Variants in PIP5K1B observed in about 807,000 individuals in gnomAD.
The protein encoded by PIP5K1B is phosphatidylinositol-4-phosphate 5-kinase type 1 beta.
Under a neutral mutation model 67.0 loss-of-function variants are expected in PIP5K1B, and 42 were observed. That is an observed-to-expected ratio of 0.63 (90% CI 0.49 to 0.81). The LOEUF is 0.81. PIP5K1B is among the 30% of genes least tolerant of loss of function. The probability of loss-of-function intolerance (pLI) is 0.00; values close to 1 mark genes in which losing one functional copy is unlikely to be tolerated. For missense variants in PIP5K1B, 459 were observed against 646.3 expected (o/e 0.71, Z 3.14); for synonymous variants, 214 against 231.4 (o/e 0.92, Z 0.68).
chr9:68,819,086 C>T (rs1435795972), intron 3 of PIP5K1B, among the ~76,000 whole-genome samples: 1 of 152,130 alleles, frequency 6.6e-6, no homozygotes, highest in Non-Finnish European at 1.5e-5. Context: ...ATTCAGTGTT[C>T]ATTTTTAGTA....
chr9:68,998,928 A>T lies in PIP5K1B; in HGVS notation c.1620+7671A>T, dbSNP rs140890251. The stretch of plus-strand genomic sequence containing the variant: ...CTGCTTCTGCCTCTGCTGGTTTCCA[A>T]GGCCTGCTATCACAAATGACCACAG... On this transcript the variant is annotated intron_variant, in intron 15 of 15. Transcript: ENST00000265382. Among the ~76,000 whole-genome samples, 136 of 152,308 alleles carry T rather than the reference A, an allele frequency of 8.9e-4. 2 individuals carry two copies. The East Asian group carries it at 0.023, about 25-fold the overall frequency.
At chr9:68,767,494 T>C (rs1336443476) in intron 2 of PIP5K1B, among the ~76,000 whole-genome samples, 4 of 150,150 alleles carry the variant, frequency 2.7e-5, no homozygotes, top group Non-Finnish European at 5.9e-5. Flanking sequence ...TTCGGGAGGC[T>C]GAGGCAGGGG....
chr9:68,882,923 A>T (rs184610889), intron 6 of PIP5K1B, among the ~76,000 whole-genome samples: 1 of 152,302 alleles, frequency 6.6e-6, no homozygotes, highest in East Asian at 1.9e-4. Context: ...CAGTAGGCTG[A>T]GAACCTCAGT....
At chr9:68,803,194 G>T (rs1014081977) in intron 2 of PIP5K1B, among the ~76,000 whole-genome samples, 4 of 152,148 alleles carry the variant, frequency 2.6e-5, no homozygotes, top group African/African-American at 9.7e-5. Flanking sequence ...TCTTTGAGCT[G>T]GATGGGATAC....
At chr9:68,787,797 T>G (rs970368678) in intron 2 of PIP5K1B, among the ~76,000 whole-genome samples, 3 of 152,076 alleles carry the variant, frequency 2.0e-5, no homozygotes, top group African/African-American at 7.2e-5. Flanking sequence ...CATGCCTGAC[T>G]AGTTTTTGTA....
chr9:68,967,000 T>C lies in PIP5K1B; in HGVS notation c.1503-24140T>C, dbSNP rs184417937. Among the ~76,000 whole-genome samples, 4 of 152,330 alleles carry C rather than the reference T, an allele frequency of 2.6e-5. No homozygotes were observed. The East Asian group carries it at 7.7e-4, about 29-fold the overall frequency. ...AACTATGATTGATTTATTATGCAGATCACATTTTCACCTGCCATAGAATCC... is the reference window on the plus strand; with the variant it reads ...AACTATGATTGATTTATTATGCAGACCACATTTTCACCTGCCATAGAATCC... On this transcript the variant is annotated intron_variant, in intron 14 of 15. Coordinates refer to ENST00000265382, the MANE Select transcript of PIP5K1B (RefSeq NM_003558.4).
chr9:68,822,492 C>A, intron 3 of PIP5K1B, 123 bp from the exon 4 acceptor site: 2 of 641,144 alleles, frequency 3.1e-6, no homozygotes, highest in Non-Finnish European at 5.4e-6. Context: ...TCCTTAGGAA[C>A]AACAGCAATA....
intron 14 of PIP5K1B, among the ~76,000 whole-genome samples, chr9:68,945,856 A>G (rs922453023): frequency 1.3e-5 from 2 of 152,242 alleles, no homozygotes; most frequent in Admixed American, 1.3e-4. Flanking sequence ...AAATTTGGTG[A>G]CATCCATACA....
At chr9:68,894,734 A>G in intron 8 of PIP5K1B, 96 bp downstream of exon 8, 1 of 1,172,538 alleles carries the variant, frequency 8.5e-7, no homozygotes, top group Non-Finnish European at 1.2e-6. Context: ...GGAATGTCCA[A>G]AGTGGCAGAC....
chr9:68,920,676 C>G (rs1174627689), intron 11 of PIP5K1B, among the ~76,000 whole-genome samples: 1 of 151,876 alleles, frequency 6.6e-6, no homozygotes, highest in Admixed American at 6.6e-5. Flanking sequence ...CCAAGAATGT[C>G]TTAATTGATG....
intron 8 of PIP5K1B, among the ~76,000 whole-genome samples, chr9:68,915,497 T>C (rs1826050792): frequency 1.3e-5 from 2 of 152,212 alleles, no homozygotes; most frequent in African/African-American, 4.8e-5. Flanking sequence ...CTTTCTCCCA[T>C]GGTCTGTGCT....
intron 2 of PIP5K1B, among the ~76,000 whole-genome samples, chr9:68,786,635 T>TC (rs1216726637): frequency 6.6e-6 from 1 of 152,106 alleles, no homozygotes; most frequent in Non-Finnish European, 1.5e-5. Flanking sequence ...GAAGTTTTTT[T>TC]TTTAGTAATA....
At chr9:68,890,337 A>C (rs564113921) in intron 7 of PIP5K1B, among the ~76,000 whole-genome samples, 1 of 152,214 alleles carries the variant, frequency 6.6e-6, no homozygotes, top group South Asian at 2.1e-4. Context: ...GCATTTTCAT[A>C]CCTCCAGTTT....
intron 2 of PIP5K1B, among the ~76,000 whole-genome samples, chr9:68,770,808 A>G (rs183848779): frequency 6.6e-6 from 1 of 152,288 alleles, no homozygotes; most frequent in East Asian, 1.9e-4. Context: ...TCTGGTGCCA[A>G]AAATGTTGGG....
chr9:68,869,851 A>C (rs1168915231), intron 5 of PIP5K1B, among the ~76,000 whole-genome samples: 1 of 152,158 alleles, frequency 6.6e-6, no homozygotes, highest in Non-Finnish European at 1.5e-5. Context: ...AAAAAGAAAA[A>C]GATTACCAAC....
chr9:68,780,013 G>A, intron 2 of PIP5K1B: 2 of 1,041,822 alleles, frequency 1.9e-6, no homozygotes, highest in African/African-American at 3.3e-5. Flanking sequence ...TACGGACATC[G>A]CGAGCGCCTG....
chr9:68,934,933 C>A lies in PIP5K1B; in HGVS notation c.1245C>A (p.Ala415=). ...SPSKKRCNSI[A]ALKATSQEIV... is the part of the protein sequence containing the mutation. The stretch of plus-strand genomic sequence containing the variant: ...CTAAGAAACGGTGCAATTCAATCGC[C>A]GCCCTAAAGGCCACTTCACAGGAGA... Residue 415 remains alanine (A), a synonymous_variant, in exon 13 of 16, where the codon GCC becomes GCA. Transcript: ENST00000265382. 1 of 1,612,870 alleles carries A rather than the reference C, an allele frequency of 6.2e-7. No individual in the cohort carries two copies. Among genetic ancestry groups the A allele is most frequent in the East Asian group, 2.2e-5 (1 of 44,808 alleles).
chr9:68,930,853 C>G (rs943942638), intron 12 of PIP5K1B, among the ~76,000 whole-genome samples: 1 of 152,060 alleles, frequency 6.6e-6, no homozygotes, highest in African/African-American at 2.4e-5. Context: ...TTTCCTGGCA[C>G]ACAGTAGACA....
At chr9:68,853,774 G>C (rs528505061) in intron 4 of PIP5K1B, among the ~76,000 whole-genome samples, 6 of 152,116 alleles carry the variant, frequency 3.9e-5, no homozygotes, top group South Asian at 2.1e-4. Context: ...AGCCATTTGC[G>C]GGGGAGAACT....
Sources: gnomAD v4.1 joint callset for allele counts (sites outside exome capture counted in the v4.1 genomes callset) on GRCh38, gnomAD v4.1.1 for gene constraint, MANE v1.5 for transcripts, NCBI Gene and HGNC (gene_info 2026-07-23, HGNC 2026-07-21) for gene names.